Variants in MAP6 observed in about 807,000 individuals in gnomAD.
MAP6 encodes microtubule associated protein 6, also known as microtubule-associated protein 6.
A neutral mutation model predicts 42.4 loss-of-function variants in MAP6; 26 were observed. That is an observed-to-expected ratio of 0.61 (90% CI 0.45 to 0.85). The LOEUF (loss-of-function observed/expected upper bound fraction) is 0.85. MAP6 is among the 40% of genes least tolerant of loss of function. MAP6 has a pLI of 0.00. For missense variants in MAP6, 966 were observed against 1,099.0 expected (o/e 0.88, Z 1.71); for synonymous variants, 418 against 443.8 (o/e 0.94, Z 0.73).
chr11:75,588,660 C>T (rs1219915906), intron 3 of MAP6, among the ~76,000 whole-genome samples: 5 of 152,176 alleles, frequency 3.3e-5, no homozygotes, highest in Non-Finnish European at 7.3e-5. Flanking sequence ...TTTTGCCTCC[C>T]TGACTCCCTG....
In MAP6 at chr11:75,607,502, T is replaced by C. The variant is rs182240139; in HGVS notation, c.1119+607A>G. 2.1e-5 allele frequency: 21 copies of C among 985,434 alleles called. No homozygotes were observed. In the Admixed American group the frequency reaches 4.9e-4, roughly 23 times the overall value. 61.0% of individuals were successfully genotyped at this position (985,434 alleles called of 1,614,324 possible). A position where few individuals can be genotyped will look rare whatever the true frequency, so the allele number is the denominator to read the frequency against. ...AGGAATGTTACCTTAGGAAAATCCT[T>C]GAGTCCACTTTCACAAACTGTTCAT... On this transcript the variant is annotated intron_variant, in intron 2 of 3. Transcript: ENST00000304771.
chr11:75,643,291 T>G (rs767034748), intron 1 of MAP6, among the ~76,000 whole-genome samples: 2 of 152,014 alleles, frequency 1.3e-5, no homozygotes, highest in Non-Finnish European at 2.9e-5. Flanking sequence ...AGCACACTAC[T>G]GCAGATGTCC....
intron 1 of MAP6, among the ~76,000 whole-genome samples, chr11:75,646,570 C>T (rs1421087468): frequency 1.3e-5 from 2 of 150,050 alleles, no homozygotes; most frequent in African/African-American, 2.5e-5. Context: ...TCTGGGAGGC[C>T]GAGGTGGGCG....
At chr11:75,604,020 A>T in intron 3 of MAP6, 1 of 985,836 alleles carries the variant, frequency 1.0e-6, no homozygotes, top group Non-Finnish European at 1.2e-6. Context: ...CAGTGCCAGG[A>T]TCCACTCTAG....
At chr11:75,619,032 CT>C (rs1943057284) in intron 1 of MAP6, among the ~76,000 whole-genome samples, 1 of 152,104 alleles carries the variant, frequency 6.6e-6, no homozygotes, top group African/African-American at 2.4e-5. Flanking sequence ...GGGGAGGCTG[CT>C]CTGGAAAAGT....
intron 1 of MAP6, among the ~76,000 whole-genome samples, chr11:75,616,981 A>C (rs942605828): frequency 6.6e-6 from 1 of 152,208 alleles, no homozygotes; most frequent in Non-Finnish European, 1.5e-5. Flanking sequence ...ATAGAAAAGA[A>C]TGCTCCCTCT....
Position 75,668,964 on chromosome 11 carries a change from CT to C in MAP6, c.-596del. On this transcript the variant is annotated 5_prime_UTR_variant, in exon 1 of 4. Coordinates refer to ENST00000304771, the MANE Select transcript of MAP6 (RefSeq NM_033063.2). ...TCTTCTCCTGGGAAGCGACCCCACC[CT>C]TTTCTGCAGCTCTCGGTCTCCGCCG... is the stretch of plus-strand genomic sequence containing the variant. The C allele has an allele frequency of 1.2e-5, 2 of 172,974 alleles. No individual in the cohort carries two copies. Among genetic ancestry groups the C allele is most frequent in the South Asian group, 9.3e-5 (1 of 10,736 alleles). 10.7% of individuals were successfully genotyped at this position (172,974 alleles called of 1,614,324 possible).
intron 1 of MAP6, among the ~76,000 whole-genome samples, chr11:75,612,721 G>A (rs1032589091): frequency 5.9e-5 from 9 of 152,182 alleles, no homozygotes; most frequent in Non-Finnish European, 7.3e-5. Context: ...GTTTCTGAGC[G>A]AAGCAGCACT....
intron 1 of MAP6, among the ~76,000 whole-genome samples, chr11:75,619,640 G>A (rs1265084052): frequency 6.6e-6 from 1 of 152,104 alleles, no homozygotes; most frequent in Admixed American, 6.6e-5. Flanking sequence ...AGTTTGCTAA[G>A]GATAATGGCC....
chr11:75,595,560 C>T (rs552414528), intron 3 of MAP6, among the ~76,000 whole-genome samples: 1 of 152,302 alleles, frequency 6.6e-6, no homozygotes, highest in South Asian at 2.1e-4. Flanking sequence ...GAGTCTATAC[C>T]TCCAATGATC....
intron 1 of MAP6, among the ~76,000 whole-genome samples, chr11:75,656,541 G>C (rs1943752716): frequency 6.6e-6 from 1 of 152,096 alleles, no homozygotes; most frequent in Non-Finnish European, 1.5e-5. Context: ...CTCTCTTTTG[G>C]ACAGGAGAGG....
At chr11:75,596,550 C>T (rs550782796) in intron 3 of MAP6, 16 of 152,544 alleles carry the variant, frequency 1.0e-4, no homozygotes, top group Middle Eastern at 6.8e-3. Context: ...TACTTCCTAG[C>T]ATTCAGCCGA....
intron 3 of MAP6, among the ~76,000 whole-genome samples, chr11:75,589,989 G>C (rs75393006): frequency 6.6e-6 from 1 of 152,146 alleles, no homozygotes; most frequent in Non-Finnish European, 1.5e-5. Context: ...GGCTGTCCCT[G>C]AGCATCACAG....
intron 1 of MAP6, among the ~76,000 whole-genome samples, chr11:75,612,504 C>T (rs988568258): frequency 3.9e-5 from 6 of 152,118 alleles, no homozygotes; most frequent in African/African-American, 1.4e-4. Context: ...AACAGAAAAG[C>T]GGATGAAGGG....
At chr11:75,639,460 C>T (rs1267958573) in intron 1 of MAP6, among the ~76,000 whole-genome samples, 2 of 152,068 alleles carry the variant, frequency 1.3e-5, no homozygotes, top group South Asian at 2.1e-4. Flanking sequence ...AAACGGATGC[C>T]GCTGGTTGAG....
At position 75,605,854 on chromosome 11, in the gene MAP6, TGTC is replaced by T; in HGVS notation, c.1267_1269del (p.Asp423del). ...TTGTTCATCTCTTTGCTTTGCTCCT[TGTC>T]GTCTGGCTTGGTGGTACTCGGGCCC... is the stretch of plus-strand genomic sequence containing the variant. On this transcript the variant is annotated inframe_deletion, in exon 3 of 4. Coordinates refer to ENST00000304771, the MANE Select transcript of MAP6 (RefSeq NM_033063.2). The T allele has an allele frequency of 6.2e-7, 1 of 1,614,210 alleles. No homozygotes were observed. Among genetic ancestry groups the T allele is most frequent in the Non-Finnish European group, 8.5e-7 (1 of 1,180,046 alleles).
chr11:75,590,500 T>G (rs1590748141), intron 3 of MAP6, among the ~76,000 whole-genome samples: 1 of 152,246 alleles, frequency 6.6e-6, no homozygotes, highest in Non-Finnish European at 1.5e-5. Context: ...CCTACCAAAT[T>G]TCTGTTTAAT....
chr11:75,595,015 A>T (rs573561039), intron 3 of MAP6, among the ~76,000 whole-genome samples: 1 of 152,188 alleles, frequency 6.6e-6, no homozygotes, highest in Non-Finnish European at 1.5e-5. Flanking sequence ...TTCCCTCTCT[A>T]TTCCATAAAA....
chr11:75,595,883 G>T (rs1381963473), intron 3 of MAP6, among the ~76,000 whole-genome samples: 1 of 150,338 alleles, frequency 6.7e-6, no homozygotes, highest in Non-Finnish European at 1.5e-5. Flanking sequence ...CCTGCCTCTT[G>T]CCTCCTTCCG....
Sources: allele counts gnomAD v4.1 joint callset (sites outside exome capture counted in the v4.1 genomes callset), GRCh38; gene constraint gnomAD v4.1.1; transcripts MANE v1.5; gene names NCBI Gene and HGNC (gene_info 2026-07-23, HGNC 2026-07-21).